The following DIP2B variants were observed in gnomAD, a reference collection of about 807,000 sequenced individuals.
DIP2B encodes the protein DIP2 acetate--CoA ligase B (putative).
In DIP2B, 76 loss-of-function variants were observed where a neutral mutation model predicts 198.0. That is an observed-to-expected ratio of 0.38 (90% CI 0.32 to 0.46). DIP2B has a LOEUF of 0.46. DIP2B is among the 20% of genes least tolerant of loss of function. DIP2B has a pLI of 0.99. For synonymous variants in DIP2B, 701 were observed against 739.1 expected (o/e 0.95, Z 0.84); for missense variants, 1,559 against 1,978.4 (o/e 0.79, Z 4.02).
chr12:50,662,660 A>G (rs1938672265), intron 4 of DIP2B, among the ~76,000 whole-genome samples: 1 of 152,218 alleles, frequency 6.6e-6, no homozygotes, highest in South Asian at 2.1e-4. Context: ...GCGATGTGGA[A>G]TAGGTTTTAT....
At chr12:50,663,091 G>C (rs1361904386) in intron 4 of DIP2B, among the ~76,000 whole-genome samples, 1 of 151,926 alleles carries the variant, frequency 6.6e-6, no homozygotes, top group Admixed American at 6.6e-5. Context: ...CTGGGTGACA[G>C]AGCGAGACTC....
intron 17 of DIP2B, among the ~76,000 whole-genome samples, chr12:50,697,963 A>G (rs1384738718): frequency 6.6e-6 from 1 of 151,930 alleles, no homozygotes. Flanking sequence ...GCACAGTGAC[A>G]CGATCATTGT....
intron 14 of DIP2B, among the ~76,000 whole-genome samples, chr12:50,694,532 CATA>C (rs1170205626): frequency 1.6e-3 from 129 of 82,444 alleles, no homozygotes; most frequent in African/African-American, 4.5e-3. Context: ...TACATACATA[CATA>C]CATACATACA....
chr12:50,686,777 G>A (rs1020633224), intron 12 of DIP2B, 95 bp downstream of exon 12: 5 of 1,128,576 alleles, frequency 4.4e-6, no homozygotes, highest in Non-Finnish European at 6.3e-6. Context: ...CAACGTTAAT[G>A]TTAGAAGATC....
At chr12:50,530,110 T>A (rs1291796120) in intron 1 of DIP2B, among the ~76,000 whole-genome samples, 1 of 152,034 alleles carries the variant, frequency 6.6e-6, no homozygotes, top group Non-Finnish European at 1.5e-5. Context: ...AGGGTCTCTC[T>A]CTGTCGCCCA....
chr12:50,646,517 G>C (rs1938354479), intron 3 of DIP2B, among the ~76,000 whole-genome samples: 1 of 152,138 alleles, frequency 6.6e-6, no homozygotes, highest in Non-Finnish European at 1.5e-5. Flanking sequence ...CGCCTCCTGG[G>C]TTAAAGTAAT....
chr12:50,521,489 C>CTTTTTTTT (rs35971707), intron 1 of DIP2B, among the ~76,000 whole-genome samples: 9 of 98,248 alleles, frequency 9.2e-5, no homozygotes, highest in East Asian at 6.4e-4. Flanking sequence ...AGGTTTCTTT[C>CTTTTTTTT]TTTTTTTTTT....
chr12:50,635,203 C>A (rs548818972), intron 2 of DIP2B, among the ~76,000 whole-genome samples: 8 of 152,212 alleles, frequency 5.3e-5, no homozygotes, highest in Admixed American at 5.2e-4. Flanking sequence ...TTATTTGTGA[C>A]GTTTGTGTGT....
At chr12:50,692,383 C>T (rs764686551) in intron 13 of DIP2B, among the ~76,000 whole-genome samples, 6 of 151,688 alleles carry the variant, frequency 4.0e-5, no homozygotes, top group Middle Eastern at 3.4e-3. Context: ...ATGTATTCTC[C>T]GCATATTTAG....
At chr12:50,565,954 T>G (rs890500762) in intron 1 of DIP2B, among the ~76,000 whole-genome samples, 6 of 152,230 alleles carry the variant, frequency 3.9e-5, no homozygotes, top group Admixed American at 3.9e-4. Context: ...TCATCTTTTT[T>G]TTTTAAACAG....
chr12:50,646,224 A>G (rs975922380), intron 3 of DIP2B, among the ~76,000 whole-genome samples: 2 of 151,300 alleles, frequency 1.3e-5, no homozygotes, highest in African/African-American at 4.9e-5. Flanking sequence ...CCTGGGTTCA[A>G]GTGATTCTTC....
At chr12:50,620,377 C>G (rs1937787608) in intron 1 of DIP2B, among the ~76,000 whole-genome samples, 1 of 152,162 alleles carries the variant, frequency 6.6e-6, no homozygotes. Context: ...AAACATAAGT[C>G]CTTTATACTC....
chr12:50,716,202 A>G (rs1002990913), intron 23 of DIP2B, among the ~76,000 whole-genome samples: 2 of 152,186 alleles, frequency 1.3e-5, no homozygotes, highest in African/African-American at 4.8e-5. Flanking sequence ...CCAACATGAT[A>G]TATCTATAAT....
chr12:50,566,844 C>T (rs952109748), intron 1 of DIP2B, among the ~76,000 whole-genome samples: 2 of 151,908 alleles, frequency 1.3e-5, no homozygotes, highest in Non-Finnish European at 2.9e-5. Context: ...TGGTGGCGGG[C>T]GCCTGTAGTC....
At chr12:50,653,072 A>G (rs1938486551) in intron 3 of DIP2B, among the ~76,000 whole-genome samples, 1 of 151,860 alleles carries the variant, frequency 6.6e-6, no homozygotes, top group South Asian at 2.1e-4. Flanking sequence ...TTTTTCTGAA[A>G]GAGTTTGAGA....
At chr12:50,696,069 T>G in intron 16 of DIP2B, 102 bp downstream of exon 16, 1 of 1,508,388 alleles carries the variant, frequency 6.6e-7, no homozygotes, top group Non-Finnish European at 9.0e-7. Context: ...AAAAACTCAC[T>G]CATTTAAGAT....
intron 34 of DIP2B, among the ~76,000 whole-genome samples, chr12:50,735,621 C>T (rs924056521): frequency 4.6e-5 from 7 of 152,034 alleles, no homozygotes; most frequent in Admixed American, 3.3e-4. Context: ...CCTGCCCCCA[C>T]GCCCAGCTAA....
At chr12:50,548,354 C>G (rs1020243591) in intron 1 of DIP2B, among the ~76,000 whole-genome samples, 24 of 152,016 alleles carry the variant, frequency 1.6e-4, no homozygotes, top group African/African-American at 5.6e-4. Context: ...TAACTTTTAA[C>G]AACGATGTCC....
At chr12:50,625,837 A>G (rs1448445374) in intron 1 of DIP2B, 139 bp from the exon 2 acceptor site, 40 of 812,380 alleles carry the variant, frequency 4.9e-5, no homozygotes, top group Non-Finnish European at 7.4e-5. Context: ...ATCCTTGGCA[A>G]AGAACCATAC....
Sources: allele counts gnomAD v4.1 joint callset (sites outside exome capture counted in the v4.1 genomes callset), GRCh38; gene constraint gnomAD v4.1.1; transcripts MANE v1.5; gene names NCBI Gene and HGNC (gene_info 2026-07-23, HGNC 2026-07-21).